CFAP299: variants seen among roughly 807,000 people sequenced by gnomAD.
CFAP299 encodes the protein cilia and flagella associated protein 299, also known as cilia- and flagella-associated protein 299.
Under a neutral mutation model 27.0 loss-of-function variants are expected in CFAP299, and 21 were observed. That is an observed-to-expected ratio of 0.78 (90% confidence interval 0.55 to 1.12). The LOEUF (loss-of-function observed/expected upper bound fraction) is 1.12. Among genes scored for constraint, CFAP299 ranks in the 50% most tolerant of loss-of-function variants. The pLI is 0.00. For synonymous variants in CFAP299, 104 were observed against 98.1 expected, an observed-to-expected ratio of 1.06 and a Z score of -0.36; for missense variants, 310 against 276.6, an observed-to-expected ratio of 1.12 and a Z score of -0.86.
Position 80,477,339 on chromosome 4 carries a change from G to T in CFAP299, c.243-105754G>T, listed in dbSNP as rs190123241. Among the ~76,000 whole-genome samples, 128 of 152,290 alleles carry T rather than the reference G, an allele frequency of 8.4e-4. 1 individual carries two copies. Among genetic ancestry groups the T allele is most frequent in the Admixed American group, 4.1e-3 (62 of 15,302 alleles). Reference sequence around the variant, plus strand: ...AGCCTCCCTAGTGTTGGGATTACAGGCATGAGCCACCACATCCAACCCCAC... The same window carrying T: ...AGCCTCCCTAGTGTTGGGATTACAGTCATGAGCCACCACATCCAACCCCAC... On this transcript the variant is annotated intron_variant, in intron 2 of 5. Coordinates refer to ENST00000358105, the MANE Select transcript of CFAP299 (RefSeq NM_152770.3).
intron 2 of CFAP299, among the ~76,000 whole-genome samples, chr4:80,459,005 G>T (rs1368000810): frequency 6.6e-6 from 1 of 151,856 alleles, no homozygotes; most frequent in African/African-American, 2.4e-5. Context: ...TTTAGAGAAA[G>T]GGTCTTGCTC....
intron 3 of CFAP299, among the ~76,000 whole-genome samples, chr4:80,709,389 A>C (rs1277356017): frequency 5.9e-5 from 9 of 152,182 alleles, no homozygotes; most frequent in African/African-American, 2.2e-4. Flanking sequence ...AATAATCTGG[A>C]TTAAATATCA....
chr4:80,474,486 C>T (rs752805490), intron 2 of CFAP299, among the ~76,000 whole-genome samples: 9 of 152,242 alleles, frequency 5.9e-5, no homozygotes, highest in Non-Finnish European at 1.2e-4. Flanking sequence ...TTCATTTGAA[C>T]ATGAATTCCC....
intron 4 of CFAP299, 110 bp from the exon 5 acceptor site, chr4:80,944,700 G>A (rs1737379730): frequency 1.3e-6 from 1 of 743,560 alleles, no homozygotes; most frequent in Non-Finnish European, 2.2e-6. Context: ...TGTATGGCAT[G>A]TTTGTATCCA....
chr4:80,628,632 T>C (rs1422962311), intron 3 of CFAP299, among the ~76,000 whole-genome samples: 2 of 152,038 alleles, frequency 1.3e-5, no homozygotes, highest in Non-Finnish European at 2.9e-5. Context: ...AACAATTCAA[T>C]AGCAAGAAGG....
At chr4:80,531,091 T>C (rs973313338) in intron 2 of CFAP299, among the ~76,000 whole-genome samples, 1 of 152,052 alleles carries the variant, frequency 6.6e-6, no homozygotes, top group Admixed American at 6.6e-5. Flanking sequence ...GAGGAAGAAG[T>C]AGGAAGATCA....
intron 2 of CFAP299, among the ~76,000 whole-genome samples, chr4:80,522,814 T>C (rs1732988554): frequency 1.3e-5 from 2 of 152,106 alleles, no homozygotes; most frequent in Non-Finnish European, 2.9e-5. Context: ...CATATATGTA[T>C]GGGTTTATTT....
chr4:80,333,976 G>T (rs529534294), upstream of CFAP299, among the ~76,000 whole-genome samples: 37 of 152,300 alleles, frequency 2.4e-4, no homozygotes, highest in South Asian at 7.5e-3. Flanking sequence ...GGACAATTGA[G>T]TTATACGCAC....
chr4:80,500,675 T>G lies in CFAP299; in HGVS notation c.243-82418T>G, dbSNP rs556380947. 5.3e-5 allele frequency among the ~76,000 whole-genome samples: 8 copies of G among 152,274 alleles called. No individual in the cohort carries two copies. The South Asian group carries it at 1.7e-3, about 32-fold the overall frequency. On this transcript the variant is annotated intron_variant, in intron 2 of 5. Coordinates refer to ENST00000358105, the MANE Select transcript of CFAP299 (RefSeq NM_152770.3). ...TATTCAGTAAGTCTTTAATTGTATC[T>G]GATAGAAGTACAAGTTCCATCTGTC...
intron 3 of CFAP299, among the ~76,000 whole-genome samples, chr4:80,867,601 G>A (rs1482359647): frequency 6.6e-6 from 1 of 152,160 alleles, no homozygotes; most frequent in Non-Finnish European, 1.5e-5. Context: ...TTTCTTAGGA[G>A]GGCTGTTTTC....
chr4:80,584,182 T>C (rs1292888340), intron 3 of CFAP299, among the ~76,000 whole-genome samples: 1 of 152,072 alleles, frequency 6.6e-6, no homozygotes, highest in Non-Finnish European at 1.5e-5. Context: ...TGGACAGCTT[T>C]AGTAATCACA....
intron 3 of CFAP299, among the ~76,000 whole-genome samples, chr4:80,633,741 G>A (rs536331223): frequency 1.6e-4 from 24 of 152,106 alleles, no homozygotes; most frequent in African/African-American, 2.7e-4. Context: ...AATCTTACTC[G>A]TTTGACTGAT....
intron 2 of CFAP299, among the ~76,000 whole-genome samples, chr4:80,563,541 C>CAA (rs1735140399): frequency 6.6e-6 from 1 of 151,750 alleles, no homozygotes. Context: ...TGGGATACAG[C>CAA]AAAAGCAGTA....
intron 1 of CFAP299, among the ~76,000 whole-genome samples, chr4:80,354,051 A>G (rs1240659663): frequency 6.6e-6 from 1 of 152,202 alleles, no homozygotes; most frequent in African/African-American, 2.4e-5. Flanking sequence ...CTTATTTAAT[A>G]TATTTATTAC....
chr4:80,628,022 A>G (rs927824707), intron 3 of CFAP299, among the ~76,000 whole-genome samples: 7 of 152,136 alleles, frequency 4.6e-5, no homozygotes, highest in African/African-American at 1.4e-4. Flanking sequence ...ATTCCTGAAA[A>G]GCCAAAGCAT....
At chr4:80,439,536 G>A (rs1424567416) in intron 2 of CFAP299, among the ~76,000 whole-genome samples, 1 of 152,196 alleles carries the variant, frequency 6.6e-6, no homozygotes, top group East Asian at 1.9e-4. Flanking sequence ...CTTTTCCCCA[G>A]TTTTCCCAGC....
intron 3 of CFAP299, among the ~76,000 whole-genome samples, chr4:80,705,955 A>G (rs1397549586): frequency 6.6e-6 from 1 of 151,878 alleles, no homozygotes; most frequent in Non-Finnish European, 1.5e-5. Flanking sequence ...CGAATATTTA[A>G]TTTAGTGAAA....
intron 3 of CFAP299, among the ~76,000 whole-genome samples, chr4:80,822,883 G>A (rs966956302): frequency 6.6e-6 from 1 of 152,128 alleles, no homozygotes; most frequent in Non-Finnish European, 1.5e-5. Flanking sequence ...AGTGATTCTA[G>A]CATATTGAAA....
intron 2 of CFAP299, among the ~76,000 whole-genome samples, chr4:80,456,321 A>G (rs1358274701): frequency 6.6e-6 from 1 of 152,102 alleles, no homozygotes; most frequent in African/African-American, 2.4e-5. Context: ...GAGTGTCCAG[A>G]TATCTGATAT....
Sources: allele counts gnomAD v4.1 joint callset (sites outside exome capture counted in the v4.1 genomes callset), GRCh38; gene constraint gnomAD v4.1.1; transcripts MANE v1.5; gene names NCBI Gene and HGNC (gene_info 2026-07-23, HGNC 2026-07-21).